The following FSTL4 variants were observed in gnomAD, a reference collection of about 807,000 sequenced individuals.
The protein encoded by FSTL4 is follistatin-related protein 4.
A neutral mutation model predicts 78.2 loss-of-function variants in FSTL4; 28 were observed. That is an observed-to-expected ratio of 0.36 (90% CI 0.27 to 0.49). FSTL4 has a LOEUF of 0.49. Ranked by LOEUF, FSTL4 falls within the 20% of genes least tolerant of loss-of-function variation. The probability of loss-of-function intolerance (pLI) is 0.98; values close to 1 mark genes in which losing one functional copy is unlikely to be tolerated. For synonymous variants in FSTL4, 422 were observed against 440.5 expected, an observed-to-expected ratio of 0.96 and a Z score of 0.53; for missense variants, 922 against 1,084.9, an observed-to-expected ratio of 0.85 and a Z score of 2.11.
intron 6 of FSTL4, among the ~76,000 whole-genome samples, chr5:133,303,948 C>T (rs1355760571): frequency 6.6e-6 from 1 of 152,192 alleles, no homozygotes; most frequent in Non-Finnish European, 1.5e-5. Context: ...CTTGGGGGCA[C>T]TCCCTGTTAC....
At chr5:133,627,783 G>A in the FSTL4 span, among the ~76,000 whole-genome samples, 9,663 of 151,832 alleles carry the variant, frequency 0.064, 338 homozygotes, top group Non-Finnish European at 0.073. Context: ...TTCTGTGTAT[G>A]TTTTCTCTTT....
rs763624616 is a variant in FSTL4 at position 133,316,475 on chromosome 5, C to A, written c.587G>T (p.Ser196Ile). The stretch of plus-strand genomic sequence containing the variant: ...GATGCCCACCTGAGCCAGTTCGGAG[C>A]TGCTGAGGTGGCCATTGCCATCTGC... ...LDADGNGHLS[S>I]SELAQHVLKK... The change falls in exon 5 of 16, where the codon AGC (serine) becomes ATC (isoleucine). Residue 196 changes from serine (S) to isoleucine (I), a missense_variant. Coordinates refer to ENST00000265342, the MANE Select transcript of FSTL4 (RefSeq NM_015082.2). 1 of 1,613,774 alleles carries A rather than the reference C, an allele frequency of 6.2e-7. No individual in the cohort carries two copies. The highest frequency in any genetic ancestry group is 2.2e-5 in the East Asian group (1 of 44,876).
At chr5:133,459,585 C>G (rs527714910) in intron 3 of FSTL4, among the ~76,000 whole-genome samples, 2 of 152,178 alleles carry the variant, frequency 1.3e-5, no homozygotes, top group Non-Finnish European at 2.9e-5. Flanking sequence ...TATCAAACAT[C>G]TGCAGAGGAG....
intron 3 of FSTL4, among the ~76,000 whole-genome samples, chr5:133,460,614 G>A (rs1561725856): frequency 1.3e-5 from 2 of 152,164 alleles, no homozygotes; most frequent in Admixed American, 6.5e-5. Flanking sequence ...AAAAAAAGTC[G>A]ACTTTCCAGT....
chr5:133,798,122 G>C, the FSTL4 span, among the ~76,000 whole-genome samples: 41,204 of 152,186 alleles, frequency 0.27, 5,795 homozygotes, highest in African/African-American at 0.31. Context: ...CCACTCATCT[G>C]TGAGCACGGG....
At chr5:133,556,505 C>T (rs1373409193) in intron 3 of FSTL4, among the ~76,000 whole-genome samples, 1 of 152,132 alleles carries the variant, frequency 6.6e-6, no homozygotes, top group African/African-American at 2.4e-5. Context: ...GCAGGTGGAT[C>T]ACCAGAGGTC....
intron 2 of FSTL4, among the ~76,000 whole-genome samples, chr5:133,592,091 C>CT (rs1328586262): frequency 2.0e-5 from 3 of 152,130 alleles, no homozygotes; most frequent in Non-Finnish European, 1.5e-5. Context: ...CTTAAATACT[C>CT]TAATACTCTG....
chr5:133,780,925 G>A, the FSTL4 span, among the ~76,000 whole-genome samples: 2 of 152,330 alleles, frequency 1.3e-5, no homozygotes, highest in South Asian at 4.1e-4. Flanking sequence ...CTATCCAGGA[G>A]AAAACACTCA....
the FSTL4 span, among the ~76,000 whole-genome samples, chr5:133,794,281 C>T: frequency 2.0e-5 from 3 of 152,220 alleles, no homozygotes; most frequent in African/African-American, 7.2e-5. Context: ...TGTGTGTTTG[C>T]CCACAGCAGA....
At chr5:133,394,275 C>T (rs536830127) in intron 4 of FSTL4, among the ~76,000 whole-genome samples, 62 of 152,358 alleles carry the variant, frequency 4.1e-4, no homozygotes, top group African/African-American at 1.0e-3. Context: ...CCCTTCAGCC[C>T]GCCGCTGCAC....
chr5:133,653,425 C>G, the FSTL4 span, among the ~76,000 whole-genome samples: 1 of 152,180 alleles, frequency 6.6e-6, no homozygotes, highest in East Asian at 1.9e-4. Context: ...CAAAGAGGCG[C>G]CCCGTGTGAA....
the FSTL4 span, among the ~76,000 whole-genome samples, chr5:133,739,557 G>C: frequency 3.3e-5 from 5 of 152,098 alleles, no homozygotes; most frequent in South Asian, 1.0e-3. Context: ...ATGCAACTGG[G>C]TCTTTCTCCA....
the FSTL4 span, among the ~76,000 whole-genome samples, chr5:133,776,881 G>A: frequency 6.6e-6 from 1 of 152,130 alleles, no homozygotes; most frequent in Non-Finnish European, 1.5e-5. Flanking sequence ...AGGCCTGTAT[G>A]TCCGAAAGGT....
chr5:133,527,671 T>C (rs1347333795), intron 3 of FSTL4, among the ~76,000 whole-genome samples: 3 of 152,236 alleles, frequency 2.0e-5, no homozygotes, highest in Non-Finnish European at 4.4e-5. Context: ...ATTCACATTA[T>C]AGAAATATTC....
chr5:133,244,749 C>A (rs577276478), intron 7 of FSTL4: 1 of 152,414 alleles, frequency 6.6e-6, no homozygotes, highest in Admixed American at 6.5e-5. Flanking sequence ...AAGGCTAAAG[C>A]CTCCTGCAAG....
chr5:133,825,254 G>A, the FSTL4 span, among the ~76,000 whole-genome samples: 1 of 152,176 alleles, frequency 6.6e-6, no homozygotes. Context: ...GGACTTCATA[G>A]TCAAGAAACA....
At chr5:133,291,671 G>T (rs557233822) in intron 6 of FSTL4, among the ~76,000 whole-genome samples, 82 of 152,202 alleles carry the variant, frequency 5.4e-4, no homozygotes, top group Non-Finnish European at 8.5e-4. Context: ...TCTGCAGAGA[G>T]GTCAGACTGG....
chr5:133,393,959 G>A (rs1701628436), intron 4 of FSTL4, among the ~76,000 whole-genome samples: 1 of 152,212 alleles, frequency 6.6e-6, no homozygotes. Context: ...AGGTCTCCTG[G>A]GGAAGAAGCA....
chr5:133,789,858 G>A, the FSTL4 span, among the ~76,000 whole-genome samples: 30 of 152,102 alleles, frequency 2.0e-4, no homozygotes, highest in African/African-American at 6.5e-4. Context: ...CCTGCCTTAT[G>A]TCCTCATCTA....
Sources: allele counts gnomAD v4.1 joint callset (sites outside exome capture counted in the v4.1 genomes callset), GRCh38; gene constraint gnomAD v4.1.1; transcripts MANE v1.5; gene names NCBI Gene and HGNC (gene_info 2026-07-23, HGNC 2026-07-21).